The following COL4A3 variants were observed in gnomAD, a reference collection of about 807,000 sequenced individuals.
COL4A3 encodes collagen type IV alpha 3 chain.
In COL4A3, 135 loss-of-function variants were observed where a neutral mutation model predicts 217.4. The observed-to-expected ratio is 0.62, with a 90% CI of 0.54 to 0.72. The LOEUF is 0.72. COL4A3 is among the 30% of genes least tolerant of loss of function. The pLI, the probability that COL4A3 is intolerant of heterozygous loss-of-function variation, is 0.00. For synonymous variants in COL4A3, 690 were observed against 736.3 expected, an observed-to-expected ratio of 0.94 and a Z score of 1.02; for missense variants, 1,868 against 2,119.9, an observed-to-expected ratio of 0.88 and a Z score of 2.33.
intron 1 of COL4A3, among the ~76,000 whole-genome samples, chr2:227,227,335 G>A (rs1043538145): frequency 1.2e-4 from 19 of 152,122 alleles, no homozygotes; most frequent in Admixed American, 2.6e-4. Flanking sequence ...GCTGGCTCAC[G>A]CCTGTAATCC....
intron 1 of COL4A3, among the ~76,000 whole-genome samples, chr2:227,165,269 C>T (rs1279853075): frequency 1.3e-5 from 2 of 152,112 alleles, no homozygotes; most frequent in Non-Finnish European, 2.9e-5. Context: ...CTAGCTGGGA[C>T]GTCACACTAA....
At chr2:227,284,980 T>C (rs2072222710) in intron 34 of COL4A3, among the ~76,000 whole-genome samples, 1 of 152,154 alleles carries the variant, frequency 6.6e-6, no homozygotes, top group African/African-American at 2.4e-5. Context: ...AACCAAATTT[T>C]CAGAAGCCCT....
intron 1 of COL4A3, among the ~76,000 whole-genome samples, chr2:227,206,348 C>T (rs750604527): frequency 1.3e-5 from 2 of 152,206 alleles, no homozygotes; most frequent in African/African-American, 2.4e-5. Flanking sequence ...GCTGGGATTA[C>T]AGGCCTGAGC....
At chr2:227,236,567 C>T (rs1278893320) in intron 1 of COL4A3, among the ~76,000 whole-genome samples, 1 of 151,860 alleles carries the variant, frequency 6.6e-6, no homozygotes, top group Non-Finnish European at 1.5e-5. Context: ...CTGGAGAAAG[C>T]AAATTAATTT....
rs373395328 is a variant in COL4A3, at chr2:227,201,471, G to A, written c.88-36497G>A. On this transcript the variant is annotated intron_variant, in intron 1 of 51. Coordinates refer to ENST00000396578, the MANE Select transcript of COL4A3 (RefSeq NM_000091.5). ...GTCTCAGTCAAAGGTTTTTGTTAAG[G>A]TCTGAAGACGCAGAAAGAAGAATAG... Among the ~76,000 whole-genome samples, 3 of 152,178 alleles carry A rather than the reference G, an allele frequency of 2.0e-5. No individual in the cohort carries two copies. The East Asian group carries it at 5.8e-4, about 29-fold the overall frequency.
At chr2:227,255,540 T>G (rs2070104677) in intron 15 of COL4A3, among the ~76,000 whole-genome samples, 1 of 152,188 alleles carries the variant, frequency 6.6e-6, no homozygotes, top group Non-Finnish European at 1.5e-5. Flanking sequence ...ACCATAAAAG[T>G]CAATCCAAAC....
intron 1 of COL4A3, among the ~76,000 whole-genome samples, chr2:227,177,754 G>T (rs1224256138): frequency 6.6e-6 from 1 of 152,152 alleles, no homozygotes; most frequent in Non-Finnish European, 1.5e-5. Flanking sequence ...GTCCCACTGG[G>T]GCGTGAATCA....
rs570530574 is a variant in COL4A3, at chr2:227,274,095, A to G, written c.1927+978A>G. On this transcript the variant is annotated intron_variant, in intron 26 of 51. Coordinates refer to ENST00000396578, the MANE Select transcript of COL4A3 (RefSeq NM_000091.5). ...CTACTAAAAATACAAAAATTAGCTG[A>G]GCATGGTGGCACATACCCACAGTCC... Among the ~76,000 whole-genome samples, 6 of 152,070 alleles carry G rather than the reference A, an allele frequency of 3.9e-5. No individual in the cohort carries two copies. In the East Asian group the frequency reaches 1.2e-3, roughly 29 times the overall value.
At chr2:227,196,474 T>G (rs1482978867) in intron 1 of COL4A3, among the ~76,000 whole-genome samples, 1 of 113,516 alleles carries the variant, frequency 8.8e-6, no homozygotes, top group African/African-American at 3.4e-5. Context: ...CCGGCCACCA[T>G]GCCTGGCTAA....
rs369409567 is a variant in COL4A3, at chr2:227,303,136, A to T, written c.3955+26A>T. 28 of 1,575,860 alleles carry T rather than the reference A, an allele frequency of 1.8e-5. No individual in the cohort carries two copies. In the African/African-American group the frequency reaches 1.9e-4, roughly 11 times the overall value. ...GTACTGTTTTTGTGCATTGCTCTTT[A>T]TATGCAAATACCATAACCTCAATTC... On this transcript the variant is annotated intron_variant, in intron 44 of 51. Coordinates refer to ENST00000396578, the MANE Select transcript of COL4A3 (RefSeq NM_000091.5).
intron 8 of COL4A3, 36 bp from the exon 9 acceptor site, chr2:227,248,407 C>A: frequency 7.7e-7 from 1 of 1,294,006 alleles, no homozygotes; most frequent in Non-Finnish European, 1.1e-6. Context: ...GAAAATATAA[C>A]ATTGATGATG....
At chr2:227,310,132 T>C (rs1265289346) in intron 50 of COL4A3, among the ~76,000 whole-genome samples, 1 of 152,236 alleles carries the variant, frequency 6.6e-6, no homozygotes, top group African/African-American at 2.4e-5. Flanking sequence ...TTGACATTCA[T>C]ATGGAGATAA....
chr2:227,311,491 T>C (rs944119228), intron 51 of COL4A3, among the ~76,000 whole-genome samples: 32 of 152,130 alleles, frequency 2.1e-4, no homozygotes, highest in African/African-American at 6.8e-4. Flanking sequence ...GTGATTCTCC[T>C]GCCTCAGCCT....
chr2:227,248,108 T>C (rs1448869831), intron 8 of COL4A3, among the ~76,000 whole-genome samples: 1 of 152,076 alleles, frequency 6.6e-6, no homozygotes, highest in African/African-American at 2.4e-5. Flanking sequence ...CCCAGCTAAT[T>C]CTTGTATTTT....
intron 1 of COL4A3, among the ~76,000 whole-genome samples, chr2:227,186,879 T>G (rs1241556692): frequency 6.6e-6 from 1 of 152,242 alleles, no homozygotes; most frequent in Admixed American, 6.5e-5. Flanking sequence ...ACTGGCAGAT[T>G]TGGTGTCTGG....
intron 19 of COL4A3, 61 bp downstream of exon 19, chr2:227,259,938 A>G: frequency 2.5e-6 from 3 of 1,177,970 alleles, no homozygotes; most frequent in Non-Finnish European, 3.8e-6. Flanking sequence ...CTTTCAAGGT[A>G]ATAAATAGCA....
intron 1 of COL4A3, among the ~76,000 whole-genome samples, chr2:227,181,876 G>A (rs2065877516): frequency 6.6e-6 from 1 of 151,992 alleles, no homozygotes; most frequent in Non-Finnish European, 1.5e-5. Flanking sequence ...TTTTTATACT[G>A]CAAGTTCTCC....
intron 26 of COL4A3, among the ~76,000 whole-genome samples, chr2:227,274,144 G>A (rs1041543349): frequency 2.0e-5 from 3 of 152,072 alleles, no homozygotes; most frequent in Non-Finnish European, 4.4e-5. Context: ...GGCTGAGGTA[G>A]GAGAATCGCT....
chr2:227,172,168 A>T (rs186724663), intron 1 of COL4A3, among the ~76,000 whole-genome samples: 21 of 152,338 alleles, frequency 1.4e-4, no homozygotes, highest in African/African-American at 4.8e-4. Context: ...CTTATCGGGA[A>T]GATGCTGCTC....
Sources: allele counts gnomAD v4.1 joint callset (sites outside exome capture counted in the v4.1 genomes callset), GRCh38; gene constraint gnomAD v4.1.1; transcripts MANE v1.5; gene names NCBI Gene and HGNC (gene_info 2026-07-23, HGNC 2026-07-21).